The following NDRG2 variants were observed in gnomAD, a reference collection of about 807,000 sequenced individuals.
The protein encoded by NDRG2 is protein NDRG2.
Under a neutral mutation model 58.2 loss-of-function variants are expected in NDRG2, and 34 were observed. That is an observed-to-expected ratio of 0.58 (90% confidence interval 0.44 to 0.78). The LOEUF (loss-of-function observed/expected upper bound fraction) is 0.78, where lower values mean the gene tolerates loss of function less well. Ranked by LOEUF, NDRG2 falls within the 30% of genes least tolerant of loss-of-function variation. The pLI, the probability that NDRG2 is intolerant of heterozygous loss-of-function variation, is 0.00. For missense variants in NDRG2, 434 were observed against 471.2 expected, an observed-to-expected ratio of 0.92 and a Z score of 0.73; for synonymous variants, 187 against 175.9, an observed-to-expected ratio of 1.06 and a Z score of -0.50.
intron 1 of NDRG2, chr14:21,035,654 G>A (rs1251308435): frequency 2.4e-6 from 1 of 411,736 alleles, no homozygotes; most frequent in South Asian, 1.8e-5. Context: ...TCAGGAGGAG[G>A]GAGTAAGGCC....
At chr14:21,061,387 A>G (rs141245980) in intron 1 of NDRG2, among the ~76,000 whole-genome samples, 11 of 152,246 alleles carry the variant, frequency 7.2e-5, no homozygotes, top group African/African-American at 2.4e-4. Flanking sequence ...CCTGGGTAGG[A>G]GTTTCTGACT....
chr14:21,050,333 A>T (rs180682620), intron 1 of NDRG2, among the ~76,000 whole-genome samples: 14 of 152,288 alleles, frequency 9.2e-5, no homozygotes, highest in Admixed American at 4.6e-4. Flanking sequence ...ATAAATAAGG[A>T]TATGCAACAA....
At position 21,017,124 on chromosome 14, in the gene NDRG2, A is replaced by G. The variant is rs1415332302; in HGVS notation, c.*472T>C. 2.4e-6 allele frequency: 1 copy of G among 417,010 alleles called. No individual in the cohort carries two copies. Among genetic ancestry groups the G allele is most frequent in the African/African-American group, 2.0e-5 (1 of 49,546 alleles). The allele number at this position is 417,010 out of a possible 1,614,324, so 25.8% of individuals were successfully genotyped here. ...CCACCAGCAAGTCTCCCCCTGACACACATTCACGTAGGTCCATACCCTTCA... is the reference window on the plus strand; with the variant it reads ...CCACCAGCAAGTCTCCCCCTGACACGCATTCACGTAGGTCCATACCCTTCA... On this transcript the variant is annotated 3_prime_UTR_variant, in exon 16 of 16. Transcript: ENST00000556147.
intron 1 of NDRG2, among the ~76,000 whole-genome samples, chr14:21,062,812 G>T (rs910406598): frequency 4.0e-5 from 6 of 150,522 alleles, no homozygotes; most frequent in African/African-American, 1.5e-4. Context: ...TGCGATCTCA[G>T]CTCACTGCAA....
chr14:21,023,033 CAAAG>C (rs1881565217), intron 2 of NDRG2, 128 bp from the exon 3 acceptor site: 16 of 1,157,778 alleles, frequency 1.4e-5, no homozygotes, highest in Non-Finnish European at 2.0e-5. Context: ...AAGAGATTGA[CAAAG>C]AGAGACACGG....
upstream of NDRG2, chr14:21,030,827 G>C (rs1884044447): frequency 1.3e-6 from 2 of 1,562,988 alleles, no homozygotes; most frequent in African/African-American, 1.4e-5. Flanking sequence ...GGGTTCACGT[G>C]GTGGAACATT....
At chr14:21,061,084 T>C (rs1202000060) in intron 1 of NDRG2, among the ~76,000 whole-genome samples, 1 of 152,160 alleles carries the variant, frequency 6.6e-6, no homozygotes, top group Non-Finnish European at 1.5e-5. Flanking sequence ...AACTATCAAG[T>C]AATAAGATAG....
In NDRG2 at chr14:21,016,990, C is replaced by T. The variant is rs1240416480; in HGVS notation, c.*606G>A. 2.2e-6 allele frequency: 1 copy of T among 456,594 alleles called. No homozygotes were observed. Among genetic ancestry groups the T allele is most frequent in the East Asian group, 7.0e-5 (1 of 14,388 alleles). 28.3% of individuals were successfully genotyped at this position (456,594 alleles called of 1,614,324 possible). On this transcript the variant is annotated 3_prime_UTR_variant, in exon 16 of 16. Transcript: ENST00000556147. ...CAGCCAAACGGCCCCAGGCCCCTTC[C>T]TGTTGCCCCAGCACCAATCCTTCCC...
intron 1 of NDRG2, chr14:21,030,851 C>G: frequency 6.6e-7 from 1 of 1,518,776 alleles, no homozygotes; most frequent in Non-Finnish European, 8.9e-7. Flanking sequence ...AGTGGGCCTA[C>G]CAAGCACCAC....
chr14:21,023,085 T>C, intron 2 of NDRG2, 156 bp downstream of exon 2: 2 of 908,416 alleles, frequency 2.2e-6, no homozygotes, highest in South Asian at 3.0e-5. Context: ...GACAAGGGCC[T>C]GACTCCCAAT....
At position 21,017,423 on chromosome 14, in the gene NDRG2, G is replaced by A; in HGVS notation, c.*173C>T. ...AGGACATCTCTTCCAGGAGCTGGGG[G>A]GAATCACGGGTTAAAGGTCAAGGTT... On this transcript the variant is annotated 3_prime_UTR_variant, in exon 16 of 16. Transcript: ENST00000556147. 1 of 720,298 alleles carries A rather than the reference G, an allele frequency of 1.4e-6. No individual in the cohort carries two copies. Among genetic ancestry groups the A allele is most frequent in the East Asian group, 2.7e-5 (1 of 36,570 alleles). The allele number at this position is 720,298 out of a possible 1,614,324, so 44.6% of individuals were successfully genotyped here. A position where few individuals can be genotyped will look rare whatever the true frequency, so the allele number is the denominator to read the frequency against.
chr14:21,033,994 A>G lies in NDRG2; in HGVS notation c.25-10673T>C, dbSNP rs371774765. The G allele has an allele frequency of 1.9e-6, 3 of 1,614,002 alleles. No homozygotes were observed. In the African/African-American group the frequency reaches 4.0e-5, roughly 22 times the overall value. On this transcript the variant is annotated intron_variant, in intron 1 of 14. Transcript: ENST00000403829. ...AGGGAATCCTGGGTGAGTGTGCAGTATTCATTGTAATTCTCACAGAAGCTG... is the reference window on the plus strand; with the variant it reads ...AGGGAATCCTGGGTGAGTGTGCAGTGTTCATTGTAATTCTCACAGAAGCTG...
At chr14:21,037,304 C>A (rs1420513862) in intron 1 of NDRG2, among the ~76,000 whole-genome samples, 2 of 152,242 alleles carry the variant, frequency 1.3e-5, no homozygotes, top group Non-Finnish European at 2.9e-5. Flanking sequence ...ATTACTTCAT[C>A]CATTCTGACA....
In NDRG2 at chr14:21,058,360, C is replaced by T. The variant is rs532217914; in HGVS notation, c.24+12468G>A. 1.0e-5 allele frequency: 16 copies of T among 1,593,716 alleles called. No individual in the cohort carries two copies. In the African/African-American group the frequency reaches 2.0e-4, roughly 20 times the overall value. ...TGCACTTGGATAAAGTTGTCTAAGCCCTGGTGCCCACGTTCCACCTCACAC... is the reference window on the plus strand; with the variant it reads ...TGCACTTGGATAAAGTTGTCTAAGCTCTGGTGCCCACGTTCCACCTCACAC... On this transcript the variant is annotated intron_variant, in intron 1 of 14. Transcript: ENST00000403829.
At chr14:21,018,883 T>G (rs1266865674) in intron 11 of NDRG2, 69 bp from the exon 12 acceptor site, 15 of 1,581,902 alleles carry the variant, frequency 9.5e-6, no homozygotes, top group African/African-American at 1.4e-5. Context: ...TGCCTAGGAG[T>G]GCAGCTGGAA....
At chr14:21,048,504 T>C (rs143879964) in intron 1 of NDRG2, 1 of 152,296 alleles carries the variant, frequency 6.6e-6, no homozygotes, top group East Asian at 1.9e-4. Flanking sequence ...TGATCTACTC[T>C]CCTCAGCCTC....
intron 1 of NDRG2, chr14:21,035,802 G>A (rs574062705): frequency 5.9e-5 from 27 of 456,142 alleles, no homozygotes; most frequent in South Asian, 3.1e-5. Context: ...AGTTTCCCTG[G>A]TTACCTATGC....
chr14:21,020,690 G>A (rs113755330), intron 7 of NDRG2, 94 bp downstream of exon 7: 3 of 1,583,274 alleles, frequency 1.9e-6, no homozygotes, highest in South Asian at 2.2e-5. Context: ...TCCCCACCTA[G>A]TGCCCACTTC....
At chr14:21,033,623 G>C (rs1884399574) in intron 1 of NDRG2, 1 of 602,090 alleles carries the variant, frequency 1.7e-6, no homozygotes, top group Non-Finnish European at 3.0e-6. Flanking sequence ...GGGTAAACAA[G>C]CTGGAAAGAA....
Sources: gnomAD v4.1 joint callset for allele counts (sites outside exome capture counted in the v4.1 genomes callset) on GRCh38, gnomAD v4.1.1 for gene constraint, MANE v1.5 for transcripts, NCBI Gene and HGNC (gene_info 2026-07-23, HGNC 2026-07-21) for gene names.